MBOAT2: variants seen among roughly 807,000 people sequenced by gnomAD.
MBOAT2 encodes membrane bound glycerophospholipid O-acyltransferase 2.
MBOAT2 carries 28 observed loss-of-function variants against 63.4 expected under a neutral mutation model. That is an observed-to-expected ratio of 0.44 (90% CI 0.33 to 0.61). MBOAT2 has a LOEUF of 0.61. Among genes scored for constraint, MBOAT2 ranks in the 20% least tolerant of loss-of-function variants. The probability of loss-of-function intolerance (pLI) is 0.03; values close to 1 mark genes in which losing one functional copy is unlikely to be tolerated. For synonymous variants in MBOAT2, 211 were observed against 215.6 expected (o/e 0.98, Z 0.19); for missense variants, 470 against 605.8 (o/e 0.78, Z 2.35).
intron 1 of MBOAT2, among the ~76,000 whole-genome samples, chr2:8,997,212 C>T (rs1469494926): frequency 1.3e-5 from 2 of 152,202 alleles, no homozygotes; most frequent in African/African-American, 2.4e-5. Context: ...TTACCAAGTG[C>T]TATCATTGTA....
At chr2:8,932,126 G>A (rs1489305261) in intron 3 of MBOAT2, among the ~76,000 whole-genome samples, 1 of 151,816 alleles carries the variant, frequency 6.6e-6, no homozygotes, top group Non-Finnish European at 1.5e-5. Flanking sequence ...TATTTAATAA[G>A]CTAGCAACAA....
intron 4 of MBOAT2, among the ~76,000 whole-genome samples, chr2:8,905,661 G>A (rs1158479687): frequency 2.0e-5 from 3 of 152,120 alleles, no homozygotes; most frequent in African/African-American, 7.2e-5. Context: ...GTTGTGTGGT[G>A]GGGGGATGGG....
intron 4 of MBOAT2, among the ~76,000 whole-genome samples, chr2:8,898,181 G>A (rs546782479): frequency 4.7e-4 from 71 of 152,256 alleles, no homozygotes; most frequent in Non-Finnish European, 7.8e-4. Flanking sequence ...TTGTCCTGTC[G>A]GAAGGCTTAA....
At chr2:8,923,461 G>C (rs532240505) in intron 3 of MBOAT2, among the ~76,000 whole-genome samples, 1 of 152,094 alleles carries the variant, frequency 6.6e-6, no homozygotes, top group African/African-American at 2.4e-5. Context: ...TTCATCCCCA[G>C]TCAATCATTA....
chr2:8,866,308 T>C (rs1247610068), intron 9 of MBOAT2, among the ~76,000 whole-genome samples: 1 of 152,182 alleles, frequency 6.6e-6, no homozygotes, highest in East Asian at 1.9e-4. Context: ...GGTATACAGA[T>C]ACACAGTGTA....
intron 6 of MBOAT2, among the ~76,000 whole-genome samples, chr2:8,879,531 T>G (rs760116632): frequency 1.3e-5 from 2 of 152,226 alleles, no homozygotes; most frequent in Non-Finnish European, 2.9e-5. Flanking sequence ...CATTGCTATT[T>G]CATATCAACT....
chr2:8,989,393 C>T lies in MBOAT2; in HGVS notation c.75+14147G>A, dbSNP rs559073194. 3.9e-5 allele frequency among the ~76,000 whole-genome samples: 6 copies of T among 152,216 alleles called. No individual in the cohort carries two copies. In the South Asian group the frequency reaches 1.2e-3, roughly 32 times the overall value. On this transcript the variant is annotated intron_variant, in intron 1 of 12. Coordinates refer to ENST00000305997, the MANE Select transcript of MBOAT2 (RefSeq NM_138799.4). Reference sequence around the variant, plus strand: ...AGAACATGCTTATTACTAAATTAGCCATTTTACTTTCACTACATTTTAGTA... The same window carrying T: ...AGAACATGCTTATTACTAAATTAGCTATTTTACTTTCACTACATTTTAGTA...
chr2:8,889,887 C>T (rs746982568), intron 4 of MBOAT2, among the ~76,000 whole-genome samples: 3 of 152,200 alleles, frequency 2.0e-5, no homozygotes, highest in Non-Finnish European at 4.4e-5. Flanking sequence ...CCACATGCAA[C>T]TTCTATTCCA....
intron 3 of MBOAT2, among the ~76,000 whole-genome samples, chr2:8,939,631 G>GA (rs1242269372): frequency 6.6e-6 from 1 of 152,176 alleles, no homozygotes; most frequent in South Asian, 2.1e-4. Flanking sequence ...CAGGTCCTAG[G>GA]AAACGGGCTT....
intron 7 of MBOAT2, among the ~76,000 whole-genome samples, chr2:8,874,443 G>A (rs1662560791): frequency 6.6e-6 from 1 of 152,122 alleles, no homozygotes; most frequent in Admixed American, 6.5e-5. Context: ...AATGAAGCAA[G>A]GTGAAATAAA....
Position 8,857,706 on chromosome 2 carries a change from A to G in MBOAT2, c.*973T>C, listed in dbSNP as rs1661190933. On this transcript the variant is annotated 3_prime_UTR_variant, in exon 13 of 13. Transcript: ENST00000305997. ...TGAGCAACCTACCAGTATTATTTTC[A>G]AAGCCTCTAATTCTACATAATTTAT... The G allele has an allele frequency of 6.6e-6, 1 of 152,248 alleles. No homozygotes were observed. The highest frequency in any genetic ancestry group is 1.5e-5 in the Non-Finnish European group (1 of 68,042). The allele number at this position is 152,248 out of a possible 1,614,324, so 9.4% of individuals were successfully genotyped here.
chr2:8,961,842 C>T (rs921195375), intron 1 of MBOAT2, among the ~76,000 whole-genome samples: 9 of 152,210 alleles, frequency 5.9e-5, no homozygotes, highest in African/African-American at 2.2e-4. Flanking sequence ...TCACCAGGCT[C>T]ATGCCAAGGC....
intron 5 of MBOAT2, among the ~76,000 whole-genome samples, chr2:8,886,308 C>T (rs964916736): frequency 1.3e-5 from 2 of 152,220 alleles, no homozygotes; most frequent in African/African-American, 4.8e-5. Flanking sequence ...CACCTTTGTA[C>T]TTTATTGACT....
chr2:8,903,033 A>G (rs946676727), intron 4 of MBOAT2, among the ~76,000 whole-genome samples: 1 of 152,180 alleles, frequency 6.6e-6, no homozygotes, highest in African/African-American at 2.4e-5. Flanking sequence ...CTTTAGGTAG[A>G]CACAGAATGC....
intron 2 of MBOAT2, among the ~76,000 whole-genome samples, chr2:8,954,748 C>A (rs1420001311): frequency 6.6e-6 from 1 of 152,262 alleles, no homozygotes; most frequent in South Asian, 2.1e-4. Flanking sequence ...GTAGATTTGC[C>A]TGGGTGTGGA....
chr2:8,925,635 T>C (rs1666881183), intron 3 of MBOAT2, among the ~76,000 whole-genome samples: 1 of 152,200 alleles, frequency 6.6e-6, no homozygotes, highest in African/African-American at 2.4e-5. Context: ...TGTTAGAATA[T>C]ACATGTTAAT....
chr2:8,912,420 G>GAAAGA (rs1553362525), intron 3 of MBOAT2, among the ~76,000 whole-genome samples: 7 of 130,834 alleles, frequency 5.4e-5, no homozygotes, highest in South Asian at 5.1e-4. Flanking sequence ...AGAAAGACAG[G>GAAAGA]CCGGCCGGCC....
At chr2:8,960,637 T>A (rs1669539869) in intron 1 of MBOAT2, among the ~76,000 whole-genome samples, 1 of 152,136 alleles carries the variant, frequency 6.6e-6, no homozygotes, top group African/African-American at 2.4e-5. Flanking sequence ...CAAGACAAAG[T>A]ATGATTCCTT....
chr2:8,860,738 G>C lies in MBOAT2; in HGVS notation c.1212C>G (p.Phe404Leu), dbSNP rs1274989492. Reference sequence around the variant, plus strand: ...ATAATTTCAGTTGGGAAGGTTCAATGAAATAATGTCTAAAGTTATTTCTCA... The same window carrying C: ...ATAATTTCAGTTGGGAAGGTTCAATCAAATAATGTCTAAAGTTATTTCTCA... ...RAMRNNFRHY[F>L]IEPSQLKLFY... Residue 404 changes from phenylalanine to leucine, a missense_variant, in exon 12 of 13, where the codon TTC (phenylalanine) becomes TTG (leucine). Transcript: ENST00000305997. 6.3e-7 allele frequency: 1 copy of C among 1,590,846 alleles called. No individual in the cohort carries two copies. Among genetic ancestry groups the C allele is most frequent in the South Asian group, 1.1e-5 (1 of 88,492 alleles).
Sources: allele counts gnomAD v4.1 joint callset (sites outside exome capture counted in the v4.1 genomes callset), GRCh38; gene constraint gnomAD v4.1.1; transcripts MANE v1.5; gene names NCBI Gene and HGNC (gene_info 2026-07-23, HGNC 2026-07-21).